The following CSMD1 variants were observed in gnomAD, a reference collection of about 807,000 sequenced individuals.
CSMD1 encodes CUB and sushi domain-containing protein 1.
Under a neutral mutation model 417.5 loss-of-function variants are expected in CSMD1, and 213 were observed. That is an observed-to-expected ratio of 0.51 (90% CI 0.46 to 0.57). CSMD1 has a LOEUF of 0.57. Among genes scored for constraint, CSMD1 ranks in the 20% least tolerant of loss-of-function variants. The probability of loss-of-function intolerance (pLI) is 0.00; values close to 1 mark genes in which losing one functional copy is unlikely to be tolerated. For missense variants in CSMD1, 6,923 were observed against 4,529.7 expected (o/e 1.53, Z -15.17); for synonymous variants, 2,862 against 1,736.8 (o/e 1.65, Z -16.11).
chr8:3,175,510 T>TGCC (rs1554451344), intron 37 of CSMD1, among the ~76,000 whole-genome samples: 17 of 132,948 alleles, frequency 1.3e-4, no homozygotes, highest in South Asian at 2.7e-4. Flanking sequence ...CCTGCCTGCC[T>TGCC]TTTTTCCTTC....
chr8:3,346,200 C>T (rs59640220), intron 22 of CSMD1, among the ~76,000 whole-genome samples: 24,713 of 152,018 alleles, frequency 0.16, 2,042 homozygotes, highest in Middle Eastern at 0.24. Context: ...ATGTGAGAAG[C>T]ACGTTTTTTT....
chr8:3,435,338 T>C (rs1814483638), intron 12 of CSMD1, among the ~76,000 whole-genome samples: 1 of 152,170 alleles, frequency 6.6e-6, no homozygotes, highest in Admixed American at 6.5e-5. Flanking sequence ...CTGAAACAGA[T>C]GCCCTGAGTG....
chr8:3,805,780 T>TGTGA (rs1800700448), intron 5 of CSMD1, among the ~76,000 whole-genome samples: 1 of 152,162 alleles, frequency 6.6e-6, no homozygotes, highest in African/African-American at 2.4e-5. Context: ...CCCCAGTCTT[T>TGTGA]GTGAGTCATC....
At position 3,629,751 on chromosome 8, in the gene CSMD1, A is replaced by C. The variant is rs1352167848; in HGVS notation, c.1010-12954T>G. Among the ~76,000 whole-genome samples, 6 of 152,316 alleles carry C rather than the reference A, an allele frequency of 3.9e-5. No homozygotes were observed. The East Asian group carries it at 1.2e-3, about 29-fold the overall frequency. On this transcript the variant is annotated intron_variant, in intron 7 of 69. Coordinates refer to ENST00000635120, the MANE Select transcript of CSMD1 (RefSeq NM_033225.6). ...TAAAACACTATATGCCAAAAGAAACACACACCTTTCATTTCAAAAAGACAG... is the reference window on the plus strand; with the variant it reads ...TAAAACACTATATGCCAAAAGAAACCCACACCTTTCATTTCAAAAAGACAG...
intron 3 of CSMD1, among the ~76,000 whole-genome samples, chr8:4,040,650 C>G (rs527933888): frequency 6.6e-6 from 1 of 152,028 alleles, no homozygotes; most frequent in East Asian, 1.9e-4. Flanking sequence ...AGGGCACAAC[C>G]ATAACATAGT....
intron 3 of CSMD1, among the ~76,000 whole-genome samples, chr8:4,362,287 T>TC (rs1801812968): frequency 2.0e-5 from 3 of 152,120 alleles, no homozygotes; most frequent in Admixed American, 2.0e-4. Context: ...AGTGGACTCC[T>TC]CCTCCTTCAG....
At chr8:4,937,616 C>G (rs921208468) in intron 1 of CSMD1, among the ~76,000 whole-genome samples, 5 of 152,184 alleles carry the variant, frequency 3.3e-5, no homozygotes, top group Admixed American at 1.3e-4. Flanking sequence ...TTGGCAGTGT[C>G]AGAGTATCTG....
At chr8:3,392,976 T>G (rs765051625) in intron 17 of CSMD1, among the ~76,000 whole-genome samples, 6 of 152,174 alleles carry the variant, frequency 3.9e-5, no homozygotes, top group Non-Finnish European at 7.3e-5. Context: ...CCCAGGCCTT[T>G]CCTGACTCAT....
chr8:4,196,777 C>T (rs140669218), intron 3 of CSMD1, among the ~76,000 whole-genome samples: 2 of 152,090 alleles, frequency 1.3e-5, no homozygotes, highest in East Asian at 3.9e-4. Context: ...ACCCCTTTTT[C>T]CCATAAAGCA....
intron 7 of CSMD1, among the ~76,000 whole-genome samples, chr8:3,664,899 A>C (rs971801685): frequency 3.3e-5 from 5 of 152,190 alleles, no homozygotes; most frequent in African/African-American, 1.2e-4. Context: ...AATTCCAAAA[A>C]ATACATCACA....
At chr8:4,337,679 T>C (rs1200022097) in intron 3 of CSMD1, among the ~76,000 whole-genome samples, 2 of 152,182 alleles carry the variant, frequency 1.3e-5, no homozygotes, top group African/African-American at 4.8e-5. Flanking sequence ...GACAATTTTT[T>C]CTTTAAGCAT....
At chr8:4,603,254 A>C (rs867193448) in intron 2 of CSMD1, among the ~76,000 whole-genome samples, 3 of 152,052 alleles carry the variant, frequency 2.0e-5, no homozygotes, top group Non-Finnish European at 1.5e-5. Context: ...GACCTGCTGC[A>C]AATTTTTCAT....
At chr8:4,360,157 C>T (rs534476169) in intron 3 of CSMD1, among the ~76,000 whole-genome samples, 1 of 152,128 alleles carries the variant, frequency 6.6e-6, no homozygotes, top group Non-Finnish European at 1.5e-5. Context: ...AGAGGATGAA[C>T]TACACGTGAG....
chr8:3,758,900 G>C (rs1163330811), intron 5 of CSMD1, among the ~76,000 whole-genome samples: 1 of 152,156 alleles, frequency 6.6e-6, no homozygotes, highest in Non-Finnish European at 1.5e-5. Context: ...GAAGACAGAG[G>C]CAGGAGGACA....
intron 10 of CSMD1, among the ~76,000 whole-genome samples, chr8:3,530,105 T>C (rs964214243): frequency 9.2e-5 from 14 of 152,222 alleles, no homozygotes; most frequent in African/African-American, 2.9e-4. Context: ...TTCAATTTTA[T>C]TGATCTTTTC....
At chr8:4,270,124 G>A (rs1337048184) in intron 3 of CSMD1, among the ~76,000 whole-genome samples, 1 of 152,162 alleles carries the variant, frequency 6.6e-6, no homozygotes, top group Non-Finnish European at 1.5e-5. Flanking sequence ...TGAGACTTTG[G>A]TTGTGATAGG....
chr8:4,398,456 C>T (rs1015725425), intron 3 of CSMD1, among the ~76,000 whole-genome samples: 2 of 130,062 alleles, frequency 1.5e-5, no homozygotes, highest in South Asian at 2.4e-4. Context: ...CGCAGTGGTG[C>T]GATCTCGGCT....
chr8:4,248,397 T>C (rs1802840390), intron 3 of CSMD1, among the ~76,000 whole-genome samples: 1 of 152,198 alleles, frequency 6.6e-6, no homozygotes, highest in Non-Finnish European at 1.5e-5. Context: ...GGTGAAACTA[T>C]CATGGCGCTT....
intron 5 of CSMD1, among the ~76,000 whole-genome samples, chr8:3,877,680 A>T (rs556285143): frequency 6.6e-5 from 10 of 152,320 alleles, no homozygotes; most frequent in African/African-American, 2.2e-4. Flanking sequence ...GTCTGAGCAC[A>T]TGGCTTGTAC....
Sources: allele counts gnomAD v4.1 joint callset (sites outside exome capture counted in the v4.1 genomes callset), GRCh38; gene constraint gnomAD v4.1.1; transcripts MANE v1.5; gene names NCBI Gene and HGNC (gene_info 2026-07-23, HGNC 2026-07-21).